The following C2orf76 variants were observed in gnomAD, a reference collection of about 807,000 sequenced individuals.
C2orf76 encodes UPF0538 protein C2orf76.
C2orf76 carries 23 observed loss-of-function variants against 16.9 expected under a neutral mutation model. The observed-to-expected ratio is 1.36, with a 90% CI of 0.98 to 1.93. The LOEUF is 1.93. Among genes scored for constraint, C2orf76 ranks in the 30% most tolerant of loss-of-function variants. C2orf76 has a pLI of 0.00. For missense variants in C2orf76, 152 were observed against 152.6 expected (o/e 1.00, Z 0.02); for synonymous variants, 48 against 52.3 (o/e 0.92, Z 0.35).
the C2orf76 span, among the ~76,000 whole-genome samples, chr2:119,288,133 T>TG: frequency 6.7e-6 from 1 of 149,634 alleles, no homozygotes; most frequent in African/African-American, 2.4e-5. Context: ...ATCTTTGCAT[T>TG]TCACCATCTG....
At chr2:119,286,671 C>T in the C2orf76 span, among the ~76,000 whole-genome samples, 1 of 152,078 alleles carries the variant, frequency 6.6e-6, no homozygotes, top group Non-Finnish European at 1.5e-5. Context: ...AGGGATACAG[C>T]AGTCAGACTT....
At chr2:119,311,455 C>G in intron 5 of C2orf76, 167 bp downstream of exon 5, 1 of 985,390 alleles carries the variant, frequency 1.0e-6, no homozygotes, top group South Asian at 4.7e-5. Context: ...GCCAAGAGAT[C>G]GGAATGCACA....
intron 1 of C2orf76, among the ~76,000 whole-genome samples, chr2:119,346,991 T>TA (rs1680224412): frequency 6.6e-6 from 1 of 152,082 alleles, no homozygotes; most frequent in African/African-American, 2.4e-5. Context: ...TATCCCAAAA[T>TA]AAAAAAATTC....
At chr2:119,290,645 C>A in the C2orf76 span, among the ~76,000 whole-genome samples, 265 of 152,072 alleles carry the variant, frequency 1.7e-3, 3 homozygotes, top group African/African-American at 6.1e-3. Context: ...ACCCGGCCAA[C>A]ATGGCAAAAC....
the C2orf76 span, among the ~76,000 whole-genome samples, chr2:119,283,833 T>A: frequency 3.3e-5 from 5 of 152,268 alleles, no homozygotes; most frequent in African/African-American, 1.2e-4. Flanking sequence ...CTACACCATA[T>A]AATCAAATCA....
chr2:119,365,185 A>T (rs1680894714), intron 1 of C2orf76, among the ~76,000 whole-genome samples: 1 of 152,212 alleles, frequency 6.6e-6, no homozygotes, highest in South Asian at 2.1e-4. Context: ...ACAATACCCT[A>T]ACTTAAAACC....
At chr2:119,363,403 G>A (rs892470881) in intron 1 of C2orf76, among the ~76,000 whole-genome samples, 3 of 144,884 alleles carry the variant, frequency 2.1e-5, no homozygotes, top group Admixed American at 7.0e-5. Context: ...CAGCCTGGGC[G>A]ACAGAGCAAG....
At chr2:119,295,622 G>A in the C2orf76 span, among the ~76,000 whole-genome samples, 1 of 152,152 alleles carries the variant, frequency 6.6e-6, no homozygotes, top group African/African-American at 2.4e-5. Flanking sequence ...TCACAAGAAT[G>A]CCATTATGGA....
chr2:119,287,010 C>T, the C2orf76 span, among the ~76,000 whole-genome samples: 1 of 152,136 alleles, frequency 6.6e-6, no homozygotes, highest in African/African-American at 2.4e-5. Flanking sequence ...GAAGTCCCTC[C>T]TGATGGTTGG....
intron 1 of C2orf76, among the ~76,000 whole-genome samples, chr2:119,358,518 C>T (rs1385245971): frequency 6.9e-6 from 1 of 144,878 alleles, no homozygotes; most frequent in Non-Finnish European, 1.5e-5. Flanking sequence ...GTGCAGATTG[C>T]AGTGAGCCGA....
chr2:119,283,798 C>T, the C2orf76 span, among the ~76,000 whole-genome samples: 1 of 151,990 alleles, frequency 6.6e-6, no homozygotes, highest in Non-Finnish European at 1.5e-5. Flanking sequence ...TTTAATGACC[C>T]AAACTTGAGG....
At chr2:119,349,039 T>C (rs1680298939) in intron 1 of C2orf76, among the ~76,000 whole-genome samples, 1 of 152,208 alleles carries the variant, frequency 6.6e-6, no homozygotes, top group African/African-American at 2.4e-5. Context: ...ACAGTATCAC[T>C]GCATGTTTGT....
chr2:119,319,761 C>G (rs1679287091), intron 3 of C2orf76, among the ~76,000 whole-genome samples: 2 of 152,184 alleles, frequency 1.3e-5, no homozygotes, highest in Non-Finnish European at 2.9e-5. Context: ...GGTAGGGAGA[C>G]AGTGACTGGC....
In C2orf76 at chr2:119,324,514, T is replaced by C. The variant is rs1483780501; in HGVS notation, c.134-3310A>G. Among the ~76,000 whole-genome samples the C allele has an allele frequency of 2.0e-5, 3 of 152,312 alleles. No homozygotes were observed. In the East Asian group the frequency reaches 5.8e-4, roughly 29 times the overall value. ...CGGCCCATAACAAATTATCACAAACTGCTTCCATGAGGGCAGGGACCACAG... is the reference window on the plus strand; with the variant it reads ...CGGCCCATAACAAATTATCACAAACCGCTTCCATGAGGGCAGGGACCACAG... On this transcript the variant is annotated intron_variant, in intron 2 of 5. Coordinates refer to ENST00000334816, the MANE Select transcript of C2orf76 (RefSeq NM_001322331.2).
At chr2:119,291,673 C>T in the C2orf76 span, among the ~76,000 whole-genome samples, 61 of 151,956 alleles carry the variant, frequency 4.0e-4, 2 homozygotes, top group Non-Finnish European at 7.6e-4. Context: ...AGGGGGAGAA[C>T]GGGCAGCAGC....
At chr2:119,330,083 G>A (rs1350904403) in intron 2 of C2orf76, among the ~76,000 whole-genome samples, 1 of 151,970 alleles carries the variant, frequency 6.6e-6, no homozygotes, top group Non-Finnish European at 1.5e-5. Flanking sequence ...CTTTAAAGAA[G>A]TTACTCCAGG....
chr2:119,345,943 T>C (rs1350287071), intron 1 of C2orf76, among the ~76,000 whole-genome samples: 5 of 149,138 alleles, frequency 3.4e-5, no homozygotes, highest in Admixed American at 6.8e-5. Flanking sequence ...CGCCTGTAGC[T>C]ACTCAGGAGA....
chr2:119,364,964 T>G (rs1900304), intron 1 of C2orf76, among the ~76,000 whole-genome samples: 44,043 of 151,820 alleles, frequency 0.29, 6,536 homozygotes, highest in African/African-American at 0.33. Context: ...TGTGCCCACA[T>G]TTCCAGCTAC....
intron 1 of C2orf76, among the ~76,000 whole-genome samples, chr2:119,364,272 G>A (rs1459858737): frequency 2.0e-5 from 3 of 152,088 alleles, no homozygotes; most frequent in East Asian, 1.9e-4. Context: ...AGATGTGAAG[G>A]CAAACTACAA....
Sources: allele counts gnomAD v4.1 joint callset (sites outside exome capture counted in the v4.1 genomes callset), GRCh38; gene constraint gnomAD v4.1.1; transcripts MANE v1.5; gene names NCBI Gene and HGNC (gene_info 2026-07-23, HGNC 2026-07-21).